The following DLG2 variants were observed in gnomAD, a reference collection of about 807,000 sequenced individuals.
The protein encoded by DLG2 is discs large MAGUK scaffold protein 2, also known as disks large homolog 2.
Under a neutral mutation model 132.5 loss-of-function variants are expected in DLG2, and 45 were observed. The observed-to-expected ratio is 0.34, with a 90% confidence interval of 0.27 to 0.44. The LOEUF is 0.44. Ranked by LOEUF, DLG2 falls within the 20% of genes least tolerant of loss-of-function variation. DLG2 has a pLI of 1.00. For synonymous variants in DLG2, 424 were observed against 419.6 expected, an observed-to-expected ratio of 1.01 and a Z score of -0.13; for missense variants, 1,045 against 1,196.9, an observed-to-expected ratio of 0.87 and a Z score of 1.87.
intron 7 of DLG2, among the ~76,000 whole-genome samples, chr11:84,279,325 T>A (rs2097825420): frequency 6.6e-6 from 1 of 152,104 alleles, no homozygotes; most frequent in Admixed American, 6.6e-5. Flanking sequence ...CTGGAGAGAA[T>A]GTGGAGAAAT....
At chr11:84,467,791 A>G (rs1435549923) in intron 7 of DLG2, among the ~76,000 whole-genome samples, 3 of 151,528 alleles carry the variant, frequency 2.0e-5, no homozygotes, top group African/African-American at 4.8e-5. Context: ...ATAGTTTTAT[A>G]GAAGATGAGT....
intron 11 of DLG2, among the ~76,000 whole-genome samples, chr11:84,035,249 T>C (rs972349284): frequency 3.9e-5 from 6 of 152,194 alleles, no homozygotes; most frequent in Admixed American, 3.3e-4. Flanking sequence ...CCAACACTTA[T>C]TGAGTACTTA....
At chr11:84,229,506 A>T (rs996765162) in intron 8 of DLG2, among the ~76,000 whole-genome samples, 1 of 152,196 alleles carries the variant, frequency 6.6e-6, no homozygotes, top group Non-Finnish European at 1.5e-5. Context: ...AGAATAAGAG[A>T]AATGGAAAGC....
At chr11:83,779,884 A>C (rs2094739761) in intron 18 of DLG2, among the ~76,000 whole-genome samples, 1 of 152,230 alleles carries the variant, frequency 6.6e-6, no homozygotes, top group African/African-American at 2.4e-5. Context: ...AAAACTTTCA[A>C]GTAATGAAAC....
At chr11:85,530,352 G>A (rs1293672925) in intron 3 of DLG2, among the ~76,000 whole-genome samples, 4 of 139,620 alleles carry the variant, frequency 2.9e-5, no homozygotes, top group East Asian at 2.1e-4. Flanking sequence ...ACAGAGTCTC[G>A]CTCTGTTGCC....
At chr11:84,470,398 A>G (rs1352606267) in intron 7 of DLG2, among the ~76,000 whole-genome samples, 6 of 151,742 alleles carry the variant, frequency 4.0e-5, no homozygotes, top group Admixed American at 6.6e-5. Context: ...TTAGGTACTA[A>G]AGATCTAGAA....
chr11:83,700,577 G>A (rs1169900299), intron 18 of DLG2, among the ~76,000 whole-genome samples: 1 of 152,170 alleles, frequency 6.6e-6, no homozygotes, highest in Non-Finnish European at 1.5e-5. Flanking sequence ...AATTAGAAAT[G>A]ATTTAAAAAC....
At chr11:83,508,717 T>C (rs2094860886) in intron 21 of DLG2, among the ~76,000 whole-genome samples, 1 of 152,072 alleles carries the variant, frequency 6.6e-6, no homozygotes, top group Non-Finnish European at 1.5e-5. Flanking sequence ...CACAAATACC[T>C]TTTTCTATAT....
chr11:85,348,011 T>C (rs2082987961), intron 3 of DLG2, among the ~76,000 whole-genome samples: 1 of 117,514 alleles, frequency 8.5e-6, no homozygotes, highest in Non-Finnish European at 1.7e-5. Flanking sequence ...AGACAGAGTC[T>C]CGCTCTGTTG....
At chr11:84,273,619 A>T (rs867118947) in intron 7 of DLG2, among the ~76,000 whole-genome samples, 57 of 152,272 alleles carry the variant, frequency 3.7e-4, no homozygotes, top group Middle Eastern at 6.8e-3. Context: ...TCCTACCAGA[A>T]GATTTGGGTG....
intron 9 of DLG2, among the ~76,000 whole-genome samples, chr11:84,121,177 G>A (rs1296974830): frequency 1.3e-5 from 2 of 152,150 alleles, no homozygotes; most frequent in Non-Finnish European, 2.9e-5. Flanking sequence ...AACCAAAGAA[G>A]TTTTATAGAT....
intron 4 of DLG2, among the ~76,000 whole-genome samples, chr11:85,168,341 G>A (rs2078608703): frequency 6.6e-6 from 1 of 152,092 alleles, no homozygotes; most frequent in Non-Finnish European, 1.5e-5. Flanking sequence ...TGCTCAATAT[G>A]CCAGTCCTTT....
At chr11:84,516,988 T>C (rs1368395559) in intron 7 of DLG2, among the ~76,000 whole-genome samples, 1 of 47,266 alleles carries the variant, frequency 2.1e-5, no homozygotes, top group Non-Finnish European at 5.1e-5. Flanking sequence ...ACTTAAAGTA[T>C]AAAAAAAAAA....
At chr11:83,556,919 C>G (rs1182806565) in intron 19 of DLG2, among the ~76,000 whole-genome samples, 1 of 152,182 alleles carries the variant, frequency 6.6e-6, no homozygotes. Flanking sequence ...TGACCCCTGG[C>G]CAGTGGTACT....
intron 2 of DLG2, among the ~76,000 whole-genome samples, chr11:85,607,184 TA>T (rs1370056622): frequency 2.0e-5 from 3 of 152,194 alleles, no homozygotes; most frequent in Admixed American, 2.0e-4. Context: ...ATTGGCCAGT[TA>T]AAAGTGACTA....
chr11:85,144,352 T>C (rs1254720263), intron 5 of DLG2, among the ~76,000 whole-genome samples: 1 of 103,910 alleles, frequency 9.6e-6, no homozygotes, highest in Non-Finnish European at 1.9e-5. Context: ...ATTGGGTCTT[T>C]TTTTTTTTTT....
At chr11:83,622,109 GT>G (rs879586229) in intron 19 of DLG2, among the ~76,000 whole-genome samples, 1 of 151,972 alleles carries the variant, frequency 6.6e-6, no homozygotes, top group Non-Finnish European at 1.5e-5. Context: ...TTTGTTTTTG[GT>G]AGAGATGGGG....
intron 4 of DLG2, among the ~76,000 whole-genome samples, chr11:85,206,781 C>T (rs2081925360): frequency 6.6e-6 from 1 of 151,806 alleles, no homozygotes; most frequent in East Asian, 1.9e-4. Flanking sequence ...TGCAGTGAGA[C>T]GAGATCATGC....
At chr11:85,140,239 T>C (rs1330596545) in intron 5 of DLG2, among the ~76,000 whole-genome samples, 1 of 151,996 alleles carries the variant, frequency 6.6e-6, no homozygotes, top group African/African-American at 2.4e-5. Context: ...ACCTCCATAC[T>C]GTTTTCCATA....
Sources: gnomAD v4.1 joint callset for allele counts (sites outside exome capture counted in the v4.1 genomes callset) on GRCh38, gnomAD v4.1.1 for gene constraint, MANE v1.5 for transcripts, NCBI Gene and HGNC (gene_info 2026-07-23, HGNC 2026-07-21) for gene names.